Variants in CCDC85C observed in about 807,000 individuals in gnomAD.
CCDC85C encodes the protein coiled-coil domain-containing protein 85C.
CCDC85C carries 18 observed loss-of-function variants against 38.3 expected under a neutral mutation model. The observed-to-expected ratio is 0.47, with a 90% CI of 0.33 to 0.70. The LOEUF is 0.70. Among genes scored for constraint, CCDC85C ranks in the 30% least tolerant of loss-of-function variants. The probability of loss-of-function intolerance (pLI) is 0.03; values close to 1 mark genes in which losing one functional copy is unlikely to be tolerated. For missense variants in CCDC85C, 566 were observed against 621.2 expected, an observed-to-expected ratio of 0.91 and a Z score of 0.94; for synonymous variants, 264 against 293.8, an observed-to-expected ratio of 0.90 and a Z score of 1.04.
At chr14:99,594,584 C>T (rs2055123024) in intron 1 of CCDC85C, among the ~76,000 whole-genome samples, 3 of 152,238 alleles carry the variant, frequency 2.0e-5, no homozygotes, top group Admixed American at 1.3e-4. Flanking sequence ...TATAAAAGAG[C>T]TGGCTCATAG....
intron 1 of CCDC85C, among the ~76,000 whole-genome samples, chr14:99,574,128 G>C (rs1312060506): frequency 1.3e-5 from 2 of 152,112 alleles, no homozygotes; most frequent in African/African-American, 4.8e-5. Flanking sequence ...GCTCTGTCCT[G>C]CTTCTGCTGT....
chr14:99,546,152 A>G (rs1392024867), intron 1 of CCDC85C, among the ~76,000 whole-genome samples: 1 of 151,782 alleles, frequency 6.6e-6, no homozygotes, highest in African/African-American at 2.4e-5. Context: ...GTTTCAGGAG[A>G]AAGTGTGTGG....
At chr14:99,528,609 G>A (rs1397448026) in intron 2 of CCDC85C, among the ~76,000 whole-genome samples, 3 of 152,176 alleles carry the variant, frequency 2.0e-5, no homozygotes, top group Non-Finnish European at 4.4e-5. Context: ...GAGAAGCCCT[G>A]GGATGGGGTG....
rs1472068962 is a variant in CCDC85C at position 99,545,694 on chromosome 14, G to C, written c.794-9606C>G. ...GCAGACATCAGCTAGTCCCGCCGGG[G>C]AGAGACATCTCACCACACAGCGGTC... On this transcript the variant is annotated intron_variant, in intron 1 of 5. Coordinates refer to ENST00000380243, the MANE Select transcript of CCDC85C (RefSeq NM_001144995.2). This position sits in a 1 kb window ranked among gnomAD's most constrained non-coding sequence, Gnocchi z 4.7. Among the ~76,000 whole-genome samples the C allele has an allele frequency of 2.0e-5, 3 of 152,102 alleles. No individual in the cohort carries two copies. The East Asian group carries it at 5.8e-4, about 29-fold the overall frequency.
At position 99,576,002 on chromosome 14, in the gene CCDC85C, A is replaced by T. The variant is rs941558; in HGVS notation, c.793+27165T>A. 0.08 allele frequency among the ~76,000 whole-genome samples: 12,129 copies of T among 152,234 alleles called. 788 individuals are homozygous for T. Among genetic ancestry groups the T allele is most frequent in the African/African-American group, 0.18 (7,352 of 41,534 alleles). Reference sequence around the variant, plus strand: ...CACTCCCTTCCAGAAACTGAGCTGCAACAGAAAACCCGGGGGAAACCCGCT... The same window carrying T: ...CACTCCCTTCCAGAAACTGAGCTGCTACAGAAAACCCGGGGGAAACCCGCT... On this transcript the variant is annotated intron_variant, in intron 1 of 5. Coordinates refer to ENST00000380243, the MANE Select transcript of CCDC85C (RefSeq NM_001144995.2). This position sits in a 1 kb window ranked among gnomAD's most constrained non-coding sequence, Gnocchi z 4.8.
intron 1 of CCDC85C, among the ~76,000 whole-genome samples, chr14:99,565,455 C>T (rs1425860829): frequency 6.6e-6 from 1 of 152,230 alleles, no homozygotes; most frequent in African/African-American, 2.4e-5. Flanking sequence ...CTAGAACCCT[C>T]TACAAGAGAT....
At chr14:99,568,662 G>T (rs1209269688) in intron 1 of CCDC85C, among the ~76,000 whole-genome samples, 1 of 152,240 alleles carries the variant, frequency 6.6e-6, no homozygotes, top group Admixed American at 6.5e-5. Context: ...CCCTCAAGGA[G>T]GATGCCGCTG....
intron 1 of CCDC85C, among the ~76,000 whole-genome samples, chr14:99,597,884 T>C (rs2055159561): frequency 6.6e-6 from 1 of 152,216 alleles, no homozygotes; most frequent in South Asian, 2.1e-4. Context: ...GGCCAGGAAA[T>C]AATGAAAGGA....
chr14:99,527,364 T>C (rs1183522497), intron 2 of CCDC85C, among the ~76,000 whole-genome samples: 1 of 152,200 alleles, frequency 6.6e-6, no homozygotes, highest in Admixed American at 6.5e-5. Flanking sequence ...CTACAGACAC[T>C]TTTTAGTGTC....
chr14:99,576,199 G>C lies in CCDC85C; in HGVS notation c.793+26968C>G, dbSNP rs1291300292. The stretch of plus-strand genomic sequence containing the variant: ...GACCACAAGTCAAACTGTGACCTTG[G>C]GTGAGGATTTCAAGAGCCCTTCAGT... On this transcript the variant is annotated intron_variant, in intron 1 of 5. Transcript: ENST00000380243. The surrounding 1 kb of genome is among the most constrained non-coding windows in gnomAD (Gnocchi z 4.8). Among the ~76,000 whole-genome samples the C allele has an allele frequency of 6.6e-6, 1 of 152,190 alleles. No homozygotes were observed. The highest frequency in any genetic ancestry group is 2.4e-5 in the African/African-American group (1 of 41,442).
At chr14:99,564,150 G>A (rs995834866) in intron 1 of CCDC85C, among the ~76,000 whole-genome samples, 6 of 152,258 alleles carry the variant, frequency 3.9e-5, no homozygotes, top group African/African-American at 7.2e-5. Context: ...AGCCATGGAA[G>A]AGAGCACTGT....
At chr14:99,543,643 G>A (rs1004421141) in intron 1 of CCDC85C, among the ~76,000 whole-genome samples, 8 of 152,206 alleles carry the variant, frequency 5.3e-5, no homozygotes, top group Non-Finnish European at 8.8e-5. Flanking sequence ...CATAGGAGCT[G>A]AGGGCACAGC....
At chr14:99,571,150 C>T (rs555076504) in intron 1 of CCDC85C, among the ~76,000 whole-genome samples, 2 of 152,194 alleles carry the variant, frequency 1.3e-5, no homozygotes, top group South Asian at 4.1e-4. Context: ...ATGAGGAAGA[C>T]AAAGGCAGTG....
At chr14:99,554,742 C>T (rs1038587434) in intron 1 of CCDC85C, among the ~76,000 whole-genome samples, 6 of 152,238 alleles carry the variant, frequency 3.9e-5, no homozygotes, top group African/African-American at 1.4e-4. Context: ...TGCCTGAGGT[C>T]CCACCTTGAA....
chr14:99,515,279 G>T lies in CCDC85C; in HGVS notation c.1227C>A (p.His409Gln), dbSNP rs761118332. 1.5e-5 allele frequency: 24 copies of T among 1,550,752 alleles called. No individual in the cohort carries two copies. Among genetic ancestry groups the T allele is most frequent in the Non-Finnish European group, 8.7e-6 (10 of 1,146,842 alleles). The change falls in exon 6 of 6, where the codon CAC becomes CAA. Residue 409 changes from histidine (H) to glutamine (Q), a missense_variant. By Grantham distance (24) the His-to-Gln change is conservative. Coordinates refer to ENST00000380243, the MANE Select transcript of CCDC85C (RefSeq NM_001144995.2). Reference protein sequence around the residue: ...AASSKPSIRQHLSGNQFKGPL With the variant: ...AASSKPSIRQQLSGNQFKGPL ...GCCCCTTGAACTGGTTCCCAGACAG[G>T]TGCTGCCGTATGGAGGGCTTGGAGC...
At chr14:99,595,261 G>GT (rs2055131022) in intron 1 of CCDC85C, among the ~76,000 whole-genome samples, 1 of 151,060 alleles carries the variant, frequency 6.6e-6, no homozygotes, top group Non-Finnish European at 1.5e-5. Context: ...TTTGGTTTTG[G>GT]TTTGTTTTGT....
At chr14:99,568,570 G>A (rs4268691) in intron 1 of CCDC85C, among the ~76,000 whole-genome samples, 82,963 of 151,778 alleles carry the variant, frequency 0.55, 22,918 homozygotes, top group African/African-American at 0.62. Context: ...TGAGGACCCC[G>A]CTCAGGAAAG....
chr14:99,530,437 G>A (rs4905848), intron 2 of CCDC85C, among the ~76,000 whole-genome samples: 70,800 of 152,016 alleles, frequency 0.47, 16,928 homozygotes, highest in South Asian at 0.59. Context: ...TGGAAACGCT[G>A]ACCAACAGAG....
At chr14:99,547,409 T>C (rs1019547254) in intron 1 of CCDC85C, among the ~76,000 whole-genome samples, 1 of 152,160 alleles carries the variant, frequency 6.6e-6, no homozygotes, top group African/African-American at 2.4e-5. Flanking sequence ...ACGGGGTTCC[T>C]TTCTGGGGTG....
Sources: gnomAD v4.1 joint callset for allele counts (sites outside exome capture counted in the v4.1 genomes callset) on GRCh38, gnomAD v4.1.1 for gene constraint, Gnocchi (gnomAD v3.1) non-coding constraint, MANE v1.5 for transcripts, NCBI Gene and HGNC (gene_info 2026-07-23, HGNC 2026-07-21) for gene names.